Variants in M1AP observed in about 807,000 individuals in gnomAD.
The protein encoded by M1AP is meiosis 1 arrest protein.
M1AP carries 39 observed loss-of-function variants against 51.2 expected under a neutral mutation model. The observed-to-expected ratio is 0.76, with a 90% CI of 0.59 to 1.00. M1AP has a LOEUF of 1.00. Among genes scored for constraint, M1AP ranks in the 50% least tolerant of loss-of-function variants. M1AP has a pLI of 0.00. For synonymous variants in M1AP, 251 were observed against 249.2 expected (o/e 1.01, Z -0.07); for missense variants, 545 against 641.2 (o/e 0.85, Z 1.62).
intron 4 of M1AP, among the ~76,000 whole-genome samples, chr2:74,599,405 T>C (rs913376288): frequency 2.6e-5 from 4 of 152,204 alleles, no homozygotes; most frequent in African/African-American, 4.8e-5. Flanking sequence ...ACTTTTCACA[T>C]TGAAGTCTTT....
rs543692150 is a variant in M1AP, at chr2:74,645,279, G to A, written c.-53+2986C>T. Among the ~76,000 whole-genome samples, 10 of 152,210 alleles carry A rather than the reference G, an allele frequency of 6.6e-5. No homozygotes were observed. In the South Asian group the frequency reaches 1.9e-3, roughly 28 times the overall value. On this transcript the variant is annotated intron_variant, in intron 1 of 10. Transcript: ENST00000421985. Reference sequence around the variant, plus strand: ...TCCAGACACATCCGAACATCAGAAGGAACAAACTCCGGACACACCATCTTT... The same window carrying A: ...TCCAGACACATCCGAACATCAGAAGAAACAAACTCCGGACACACCATCTTT...
intron 2 of M1AP, among the ~76,000 whole-genome samples, chr2:74,626,139 C>G (rs982683805): frequency 6.6e-6 from 1 of 152,130 alleles, no homozygotes; most frequent in Non-Finnish European, 1.5e-5. Flanking sequence ...GAAGGGAGTC[C>G]CCCTTTCAAG....
intron 4 of M1AP, among the ~76,000 whole-genome samples, chr2:74,596,871 G>A (rs1680371340): frequency 3.3e-5 from 5 of 152,166 alleles, no homozygotes; most frequent in South Asian, 2.1e-4. Flanking sequence ...CACAAAAGGT[G>A]TGTGTACTTT....
In M1AP at chr2:74,561,924, G is replaced by A. The variant is rs531512609; in HGVS notation, c.1281+293C>T. The A allele has an allele frequency of 6.4e-5, 63 of 985,270 alleles. 1 individual carries two copies. In the South Asian group the frequency reaches 2.0e-3, roughly 32 times the overall value. 61.0% of individuals were successfully genotyped at this position (985,270 alleles called of 1,614,324 possible). ...CGTGTGCATGTCGTGTGTCCTCCAG[G>A]ATGGCTCTAATTCCCAGTCATCACT... On this transcript the variant is annotated intron_variant, in intron 8 of 10. Transcript: ENST00000421985.
chr2:74,621,986 G>A (rs1192027043), intron 2 of M1AP, among the ~76,000 whole-genome samples: 1 of 149,872 alleles, frequency 6.7e-6, no homozygotes, highest in African/African-American at 2.4e-5. Context: ...CGGGTGTGGT[G>A]GTGCACACCT....
At chr2:74,639,923 TG>T in intron 2 of M1AP, 112 bp downstream of exon 2, 1 of 908,376 alleles carries the variant, frequency 1.1e-6, no homozygotes, top group Non-Finnish European at 1.7e-6. Flanking sequence ...CTACTGTGTG[TG>T]GAGAAGTAGT....
intron 1 of M1AP, among the ~76,000 whole-genome samples, chr2:74,642,850 T>C (rs1683369410): frequency 6.6e-6 from 1 of 152,206 alleles, no homozygotes; most frequent in Non-Finnish European, 1.5e-5. Context: ...AATTTCATTT[T>C]TAGTTTGTTG....
At chr2:74,573,477 TGA>T (rs1401462057) in intron 7 of M1AP, among the ~76,000 whole-genome samples, 3 of 152,196 alleles carry the variant, frequency 2.0e-5, no homozygotes, top group African/African-American at 7.2e-5. Flanking sequence ...CTCGGCCTCC[TGA>T]GTAGCTGGGA....
At chr2:74,647,100 C>G (rs1683656268) in intron 1 of M1AP, among the ~76,000 whole-genome samples, 1 of 152,138 alleles carries the variant, frequency 6.6e-6, no homozygotes, top group Non-Finnish European at 1.5e-5. Flanking sequence ...GGGCCTTGAA[C>G]CACTCCAAAC....
intron 2 of M1AP, chr2:74,628,355 T>C (rs182618336): frequency 2.6e-6 from 1 of 379,058 alleles, no homozygotes; most frequent in African/African-American, 2.1e-5. Flanking sequence ...CAGTGTTTCG[T>C]CTTAAAAACT....
chr2:74,621,833 G>A (rs902516266), intron 2 of M1AP, among the ~76,000 whole-genome samples: 1 of 150,148 alleles, frequency 6.7e-6, no homozygotes, highest in African/African-American at 2.5e-5. Context: ...ATTGGTTGGG[G>A]GCGGTGGCTC....
chr2:74,564,698 A>G (rs1452844712), intron 7 of M1AP, among the ~76,000 whole-genome samples: 1 of 152,150 alleles, frequency 6.6e-6, no homozygotes, highest in East Asian at 1.9e-4. Flanking sequence ...TAAATGGTAT[A>G]CAAATCATGG....
chr2:74,561,825 G>C (rs1410757369), intron 8 of M1AP: 1 of 932,234 alleles, frequency 1.1e-6, no homozygotes, highest in Non-Finnish European at 1.3e-6. Context: ...CTGTGCCCTG[G>C]CCTGACATCA....
At chr2:74,563,463 G>A (rs1219965636) in intron 7 of M1AP, among the ~76,000 whole-genome samples, 1 of 152,100 alleles carries the variant, frequency 6.6e-6, no homozygotes, top group Non-Finnish European at 1.5e-5. Context: ...GCTGGACGTG[G>A]TGGCGCATGC....
intron 5 of M1AP, among the ~76,000 whole-genome samples, chr2:74,579,204 G>T (rs561459245): frequency 6.6e-6 from 1 of 152,368 alleles, no homozygotes; most frequent in East Asian, 1.9e-4. Flanking sequence ...GGAAGCTAGA[G>T]AAATTCTGAT....
intron 3 of M1AP, among the ~76,000 whole-genome samples, chr2:74,612,115 T>A (rs2104725662): frequency 1.3e-5 from 2 of 151,734 alleles, no homozygotes; most frequent in South Asian, 4.2e-4. Flanking sequence ...ATGGTCTCGA[T>A]CGCCTGACCT....
intron 1 of M1AP, among the ~76,000 whole-genome samples, chr2:74,647,019 C>G (rs982162341): frequency 6.6e-6 from 1 of 152,162 alleles, no homozygotes; most frequent in African/African-American, 2.4e-5. Flanking sequence ...TATTCTGACC[C>G]TATACTCTCC....
chr2:74,611,877 A>G (rs1194386254), intron 3 of M1AP, among the ~76,000 whole-genome samples: 3 of 137,270 alleles, frequency 2.2e-5, no homozygotes, highest in African/African-American at 8.0e-5. Flanking sequence ...CAACAACAAA[A>G]AAGTGTTTTT....
chr2:74,593,736 A>G (rs1300486561), intron 4 of M1AP, among the ~76,000 whole-genome samples: 6 of 152,238 alleles, frequency 3.9e-5, no homozygotes, highest in Non-Finnish European at 7.3e-5. Context: ...ACAAAAGTAG[A>G]CAGACTTTGG....
Sources: allele counts gnomAD v4.1 joint callset (sites outside exome capture counted in the v4.1 genomes callset), GRCh38; gene constraint gnomAD v4.1.1; transcripts MANE v1.5; gene names NCBI Gene and HGNC (gene_info 2026-07-23, HGNC 2026-07-21).